The following AP4E1 variants were observed in gnomAD, a reference collection of about 807,000 sequenced individuals.
The protein encoded by AP4E1 is AP-4 complex subunit epsilon-1.
In AP4E1, 56 loss-of-function variants were observed where a neutral mutation model predicts 128.2. The observed-to-expected ratio is 0.44, with a 90% CI of 0.35 to 0.55. AP4E1 has a LOEUF of 0.55. Among genes scored for constraint, AP4E1 ranks in the 20% least tolerant of loss-of-function variants. The probability of loss-of-function intolerance (pLI) is 0.00; values close to 1 mark genes in which losing one functional copy is unlikely to be tolerated. For synonymous variants in AP4E1, 484 were observed against 473.1 expected (o/e 1.02, Z -0.30); for missense variants, 1,324 against 1,307.7 (o/e 1.01, Z -0.19).
intron 5 of AP4E1, among the ~76,000 whole-genome samples, chr15:50,926,093 A>G (rs900235710): frequency 6.6e-6 from 1 of 151,878 alleles, no homozygotes; most frequent in Non-Finnish European, 1.5e-5. Context: ...AATTATTAAT[A>G]TTTTGTTTTT....
intron 14 of AP4E1, among the ~76,000 whole-genome samples, chr15:50,961,844 A>G (rs542305082): frequency 7.9e-5 from 12 of 152,020 alleles, no homozygotes; most frequent in East Asian, 3.9e-4. Flanking sequence ...GATCTTATAT[A>G]TAGAAAAACC....
At chr15:50,914,008 T>C (rs2063598073) in intron 2 of AP4E1, among the ~76,000 whole-genome samples, 1 of 152,076 alleles carries the variant, frequency 6.6e-6, no homozygotes, top group Non-Finnish European at 1.5e-5. Context: ...TTAATAGAGA[T>C]GGGGTTTCAC....
At chr15:50,976,631 A>T (rs2064555336) in intron 15 of AP4E1, among the ~76,000 whole-genome samples, 1 of 152,162 alleles carries the variant, frequency 6.6e-6, no homozygotes, top group South Asian at 2.1e-4. Context: ...CCTAAATTAG[A>T]CTCCATTAAA....
intron 19 of AP4E1, 40 bp from the exon 20 acceptor site, chr15:51,000,986 C>G: frequency 1.3e-6 from 2 of 1,483,186 alleles, no homozygotes; most frequent in Non-Finnish European, 9.4e-7. Context: ...AATCATTTCA[C>G]TGTTTTTGAC....
At chr15:50,990,069 A>G (rs1396461744) in intron 16 of AP4E1, among the ~76,000 whole-genome samples, 2 of 152,116 alleles carry the variant, frequency 1.3e-5, no homozygotes. Flanking sequence ...GGGAATTCCT[A>G]GAGCTGAGTT....
At chr15:50,931,180 A>T (rs188871793) in intron 7 of AP4E1, among the ~76,000 whole-genome samples, 236 of 152,310 alleles carry the variant, frequency 1.5e-3, no homozygotes, top group African/African-American at 5.3e-3. Flanking sequence ...TTTACCCATC[A>T]TGAAAGGTAC....
chr15:50,914,760 T>C (rs1397124249), intron 2 of AP4E1, among the ~76,000 whole-genome samples: 1 of 151,994 alleles, frequency 6.6e-6, no homozygotes, highest in East Asian at 1.9e-4. Flanking sequence ...AGAATGCAAA[T>C]ATCTTAGTGA....
At chr15:50,942,407 A>G (rs1301821708) in intron 10 of AP4E1, among the ~76,000 whole-genome samples, 1 of 151,972 alleles carries the variant, frequency 6.6e-6, no homozygotes, top group Non-Finnish European at 1.5e-5. Flanking sequence ...TATTAGTACA[A>G]TTTCCTGTTA....
At chr15:50,946,243 T>C (rs1488848645) in intron 10 of AP4E1, among the ~76,000 whole-genome samples, 1 of 152,204 alleles carries the variant, frequency 6.6e-6, no homozygotes, top group Non-Finnish European at 1.5e-5. Context: ...TTTTTTCCTG[T>C]TTTAATTACA....
At chr15:50,917,355 C>G (rs749487969) in intron 3 of AP4E1, among the ~76,000 whole-genome samples, 9 of 152,202 alleles carry the variant, frequency 5.9e-5, no homozygotes, top group Non-Finnish European at 8.8e-5. Context: ...TTGCCTCCCT[C>G]CCATCTTATC....
In AP4E1 at chr15:50,949,890, G is replaced by C; in HGVS notation, c.1381G>C (p.Val461Leu). ...MNAVFSVGGD[V>L]MHPDIPNNFL... ...TGCTGTGTTTTCAGTAGGAGGAGAT[G>C]TAATGCATCCTGATATTCCCAATAA... is the stretch of plus-strand genomic sequence containing the variant. Residue 461 changes from valine (V) to leucine (L), a missense_variant, in exon 12 of 21, where the codon GTA (valine) becomes CTA (leucine). Coordinates refer to ENST00000261842, the MANE Select transcript of AP4E1 (RefSeq NM_007347.5). 1 of 1,613,826 alleles carries C rather than the reference G, an allele frequency of 6.2e-7. No individual in the cohort carries two copies. The highest frequency in any genetic ancestry group is 8.5e-7 in the Non-Finnish European group (1 of 1,179,836).
At chr15:51,000,395 C>T (rs1465671731) in intron 19 of AP4E1, among the ~76,000 whole-genome samples, 2 of 152,144 alleles carry the variant, frequency 1.3e-5, no homozygotes, top group Non-Finnish European at 2.9e-5. Flanking sequence ...TCTGCCTCGG[C>T]CTCCCAAGGT....
intron 15 of AP4E1, among the ~76,000 whole-genome samples, chr15:50,980,160 C>T (rs1321300069): frequency 6.6e-6 from 1 of 152,154 alleles, no homozygotes; most frequent in Non-Finnish European, 1.5e-5. Context: ...CTCTAAGTTA[C>T]TTAAGTGTAC....
At chr15:50,994,523 A>G (rs1254413888) in intron 17 of AP4E1, among the ~76,000 whole-genome samples, 2 of 152,188 alleles carry the variant, frequency 1.3e-5, no homozygotes, top group Non-Finnish European at 2.9e-5. Flanking sequence ...CATTTCTGTC[A>G]GACTTGATAT....
chr15:50,964,853 T>C lies in AP4E1; in HGVS notation c.1852-3410T>C, dbSNP rs549312888. Among the ~76,000 whole-genome samples, 8 of 151,866 alleles carry C rather than the reference T, an allele frequency of 5.3e-5. No individual in the cohort carries two copies. In the South Asian group the frequency reaches 1.5e-3, roughly 28 times the overall value. On this transcript the variant is annotated intron_variant, in intron 14 of 20. Coordinates refer to ENST00000261842, the MANE Select transcript of AP4E1 (RefSeq NM_007347.5). The stretch of plus-strand genomic sequence containing the variant: ...GGAGGTAGGGCCTGGTGGGAGTTGT[T>C]TGGGTTATGAAGGCAGATACCTCAT...
rs993662791 is a variant in AP4E1 at position 51,003,660 on chromosome 15, A to G, written c.*998A>G. On this transcript the variant is annotated 3_prime_UTR_variant, in exon 21 of 21. Coordinates refer to ENST00000261842, the MANE Select transcript of AP4E1 (RefSeq NM_007347.5). ...TTATGCCTGTGTGGCCTCTGTCAGAACTATTATCAGTAAAAGAGGTTAAGC... is the reference window on the plus strand; with the variant it reads ...TTATGCCTGTGTGGCCTCTGTCAGAGCTATTATCAGTAAAAGAGGTTAAGC... The G allele has an allele frequency of 1.3e-5, 2 of 152,666 alleles. No individual in the cohort carries two copies. The highest frequency in any genetic ancestry group is 2.9e-5 in the Non-Finnish European group (2 of 68,036). 9.5% of individuals were successfully genotyped at this position (152,666 alleles called of 1,614,324 possible).
At chr15:50,947,636 C>T (rs916061819) in intron 10 of AP4E1, among the ~76,000 whole-genome samples, 4 of 152,144 alleles carry the variant, frequency 2.6e-5, no homozygotes, top group African/African-American at 4.8e-5. Context: ...TAGATTTATA[C>T]ACACATACAT....
chr15:50,917,053 T>G (rs2063638801), intron 3 of AP4E1, among the ~76,000 whole-genome samples: 1 of 152,318 alleles, frequency 6.6e-6, no homozygotes, highest in South Asian at 2.1e-4. Context: ...AAAATTCACC[T>G]GTCAGAATTT....
chr15:50,962,474 G>T (rs1218029819), intron 14 of AP4E1, among the ~76,000 whole-genome samples: 1 of 151,930 alleles, frequency 6.6e-6, no homozygotes, highest in Non-Finnish European at 1.5e-5. Context: ...CTGATTTTCG[G>T]TCAAAGTGCC....
Sources: allele counts gnomAD v4.1 joint callset (sites outside exome capture counted in the v4.1 genomes callset), GRCh38; gene constraint gnomAD v4.1.1; transcripts MANE v1.5; gene names NCBI Gene and HGNC (gene_info 2026-07-23, HGNC 2026-07-21).